The following COX7B2 variants were observed in gnomAD, a reference collection of about 807,000 sequenced individuals.
The protein encoded by COX7B2 is cytochrome c oxidase subunit 7B2, mitochondrial.
For synonymous variants in COX7B2, 37 were observed against 32.1 expected (o/e 1.15, Z -0.51); for missense variants, 109 against 95.9 (o/e 1.14, Z -0.57).
intron 1 of COX7B2, among the ~76,000 whole-genome samples, chr4:46,848,554 C>A (rs1187149491): frequency 1.3e-5 from 2 of 152,012 alleles, no homozygotes; most frequent in East Asian, 3.9e-4. Context: ...AGGGAGCATA[C>A]TATTTTCCCA....
intron 2 of COX7B2, among the ~76,000 whole-genome samples, chr4:46,816,137 T>C (rs1719539993): frequency 6.6e-6 from 1 of 152,196 alleles, no homozygotes; most frequent in Admixed American, 6.5e-5. Context: ...CTACAACTAT[T>C]ACAGCCTGTA....
rs551389287 is a variant in COX7B2 at position 46,830,739 on chromosome 4, G to A, written c.-50+14221C>T. ...AAGCCTAGTAAGAGCATGACAGGAG[G>A]AAGGGAGTCTGCTCCACAGTAGTTT... On this transcript the variant is annotated intron_variant, in intron 2 of 2. Coordinates refer to ENST00000355591, the MANE Select transcript of COX7B2 (RefSeq NM_130902.3). Among the ~76,000 whole-genome samples, 29 of 152,354 alleles carry A rather than the reference G, an allele frequency of 1.9e-4. 1 individual carries two copies. Among genetic ancestry groups the A allele is most frequent in the African/African-American group, 6.3e-4 (26 of 41,592 alleles).
chr4:46,907,997 G>A (rs963238977), intron 1 of COX7B2, among the ~76,000 whole-genome samples: 3 of 151,770 alleles, frequency 2.0e-5, no homozygotes, highest in African/African-American at 4.8e-5. Context: ...GGGACTACAG[G>A]CGCGTGCGAC....
At chr4:46,904,183 T>G (rs774611947) in intron 1 of COX7B2, among the ~76,000 whole-genome samples, 1 of 152,058 alleles carries the variant, frequency 6.6e-6, no homozygotes, top group Non-Finnish European at 1.5e-5. Context: ...CATTTCTAAA[T>G]GACTAAAACC....
chr4:46,760,306 C>A (rs1343187386), intron 2 of COX7B2, among the ~76,000 whole-genome samples: 1 of 152,052 alleles, frequency 6.6e-6, no homozygotes, highest in African/African-American at 2.4e-5. Flanking sequence ...TGGAACCAAC[C>A]CAAATGCCCA....
intron 1 of COX7B2, among the ~76,000 whole-genome samples, chr4:46,906,074 C>A (rs1476493551): frequency 6.6e-6 from 1 of 151,858 alleles, no homozygotes; most frequent in Non-Finnish European, 1.5e-5. Flanking sequence ...CATGATCCAC[C>A]CGCCTCGGCC....
chr4:46,864,353 T>C (rs1207844082), intron 1 of COX7B2, among the ~76,000 whole-genome samples: 1 of 152,182 alleles, frequency 6.6e-6, no homozygotes, highest in Non-Finnish European at 1.5e-5. Context: ...ACGACATTTT[T>C]TTTTTTAACT....
intron 2 of COX7B2, among the ~76,000 whole-genome samples, chr4:46,775,227 A>G (rs62305175): frequency 0.1 from 15,408 of 152,156 alleles, 966 homozygotes; most frequent in Non-Finnish European, 0.14. Context: ...TATGACTTCC[A>G]GTATGTTATG....
intron 2 of COX7B2, among the ~76,000 whole-genome samples, chr4:46,787,437 G>A (rs1717807312): frequency 6.6e-6 from 1 of 151,624 alleles, no homozygotes; most frequent in Non-Finnish European, 1.5e-5. Context: ...ACAAGAGTGA[G>A]ACTCTGTCTC....
At chr4:46,776,416 G>C (rs939061272) in intron 2 of COX7B2, among the ~76,000 whole-genome samples, 7 of 151,522 alleles carry the variant, frequency 4.6e-5, no homozygotes, top group South Asian at 2.1e-4. Context: ...GTGTGTGTGT[G>C]TGTGTGTCTG....
chr4:46,773,002 T>C (rs1246057478), intron 2 of COX7B2, among the ~76,000 whole-genome samples: 1 of 152,132 alleles, frequency 6.6e-6, no homozygotes, highest in East Asian at 1.9e-4. Flanking sequence ...AATGGAAAAG[T>C]AGTAAATTGG....
chr4:46,892,646 T>C (rs12509947), intron 1 of COX7B2, among the ~76,000 whole-genome samples: 20,323 of 152,056 alleles, frequency 0.13, 1,476 homozygotes, highest in South Asian at 0.25. Context: ...AAAAAATGAC[T>C]CCTTATCAAC....
At position 46,786,989 on chromosome 4, in the gene COX7B2, T is replaced by C. The variant is rs181594240; in HGVS notation, c.-49-51748A>G. Among the ~76,000 whole-genome samples the C allele has an allele frequency of 1.4e-3, 216 of 152,294 alleles. 6 individuals carry two copies. Among genetic ancestry groups the C allele is most frequent in the African/African-American group, 4.8e-3 (199 of 41,556 alleles). ...GTGAACTTGGAAAAGATGATGATACTGACAACCATGACAGAGAGAACAGTC... is the reference window on the plus strand; with the variant it reads ...GTGAACTTGGAAAAGATGATGATACCGACAACCATGACAGAGAGAACAGTC... On this transcript the variant is annotated intron_variant, in intron 2 of 2. Transcript: ENST00000355591.
chr4:46,903,927 C>T (rs770201198), intron 1 of COX7B2: 9 of 152,174 alleles, frequency 5.9e-5, no homozygotes, highest in Non-Finnish European at 1.3e-4. Context: ...CGATGCATGA[C>T]TGTAGTTCCT....
intron 1 of COX7B2, 116 bp downstream of exon 1, chr4:46,909,044 C>CA (rs559560185): frequency 0.045 from 5,530 of 122,616 alleles, 138 homozygotes; most frequent in Non-Finnish European, 0.065. Context: ...GACTCCGTCT[C>CA]AAAAAAAAAA....
chr4:46,775,865 C>G (rs2109533635), intron 2 of COX7B2, among the ~76,000 whole-genome samples: 1 of 152,120 alleles, frequency 6.6e-6, no homozygotes, highest in Non-Finnish European at 1.5e-5. Context: ...CTGAGGTGTT[C>G]AAAGAGGCCT....
chr4:46,827,460 T>C (rs926235751), intron 2 of COX7B2, among the ~76,000 whole-genome samples: 6 of 152,220 alleles, frequency 3.9e-5, no homozygotes, highest in South Asian at 4.1e-4. Context: ...GAATGGCATG[T>C]CCAAAGTAGA....
intron 2 of COX7B2, among the ~76,000 whole-genome samples, chr4:46,822,516 G>A (rs1448895711): frequency 6.6e-6 from 1 of 152,036 alleles, no homozygotes; most frequent in Non-Finnish European, 1.5e-5. Flanking sequence ...TTTGTCACAG[G>A]AAGGAATACA....
intron 1 of COX7B2, among the ~76,000 whole-genome samples, chr4:46,862,063 C>T (rs1717368149): frequency 6.6e-6 from 1 of 152,212 alleles, no homozygotes; most frequent in Admixed American, 6.5e-5. Flanking sequence ...AAAGTAGCCA[C>T]CTGAACACTT....
Sources: allele counts gnomAD v4.1 joint callset (sites outside exome capture counted in the v4.1 genomes callset), GRCh38; gene constraint gnomAD v4.1.1; transcripts MANE v1.5; gene names NCBI Gene and HGNC (gene_info 2026-07-23, HGNC 2026-07-21).